Variants in ETV5 observed in about 807,000 individuals in gnomAD.
The protein encoded by ETV5 is ETS translocation variant 5.
Under a neutral mutation model 70.0 loss-of-function variants are expected in ETV5, and 10 were observed. The observed-to-expected ratio is 0.14, with a 90% CI of 0.09 to 0.24. ETV5 has a LOEUF of 0.24. Among genes scored for constraint, ETV5 ranks in the 10% least tolerant of loss-of-function variants. ETV5 has a pLI of 1.00. For synonymous variants in ETV5, 216 were observed against 242.2 expected (o/e 0.89, Z 1.01); for missense variants, 453 against 651.2 (o/e 0.70, Z 3.31).
At chr3:186,064,530 A>G in intron 8 of ETV5, 54 bp from the exon 9 acceptor site, 1 of 1,557,930 alleles carries the variant, frequency 6.4e-7, no homozygotes, top group South Asian at 1.1e-5. Context: ...TGCAGCAGAA[A>G]CAGCACATCG....
intron 5 of ETV5, 45 bp from the exon 6 acceptor site, chr3:186,081,220 T>G (rs780090977): frequency 6.4e-7 from 1 of 1,562,966 alleles, no homozygotes; most frequent in Non-Finnish European, 8.7e-7. Flanking sequence ...AGAGAACAGC[T>G]GATTAACAGG....
intron 5 of ETV5, among the ~76,000 whole-genome samples, chr3:186,087,740 G>A (rs1033202437): frequency 2.0e-5 from 3 of 152,106 alleles, no homozygotes; most frequent in African/African-American, 4.8e-5. Context: ...CCCCATGCCC[G>A]TGCTAATGGT....
At position 186,051,977 on chromosome 3, in the gene ETV5, CTTTT is replaced by C; in HGVS notation, c.1311+49_1311+52del. The C allele has an allele frequency of 1.9e-6, 3 of 1,578,594 alleles. No homozygotes were observed. In the Admixed American group the frequency reaches 5.0e-5, roughly 26 times the overall value. On this transcript the variant is annotated intron_variant, in intron 12 of 12. Coordinates refer to ENST00000306376, the MANE Select transcript of ETV5 (RefSeq NM_004454.3). ...CCAGTCTCACTACAGAAGCCCTGGACTTTTTCCTTAAAAGAGACCAGAGTGGGCT... is the reference window on the plus strand; with the variant it reads ...CCAGTCTCACTACAGAAGCCCTGGACTCCTTAAAAGAGACCAGAGTGGGCT...
At chr3:186,062,437 A>G (rs896339655) in intron 9 of ETV5, among the ~76,000 whole-genome samples, 31 of 152,202 alleles carry the variant, frequency 2.0e-4, no homozygotes, top group Non-Finnish European at 4.4e-5. Context: ...CCTGGCCAAC[A>G]TGGTGAAACC....
At chr3:186,053,778 G>C (rs1025527839) in intron 11 of ETV5, among the ~76,000 whole-genome samples, 6 of 152,212 alleles carry the variant, frequency 3.9e-5, no homozygotes, top group African/African-American at 1.4e-4. Flanking sequence ...ATCCTGGTTA[G>C]AGAAGATAAA....
At chr3:186,066,388 A>T (rs1306295839) in intron 7 of ETV5, among the ~76,000 whole-genome samples, 1 of 152,078 alleles carries the variant, frequency 6.6e-6, no homozygotes, top group South Asian at 2.1e-4. Context: ...GAGACCAATT[A>T]TCTGCAAATA....
At chr3:186,106,838 G>T in intron 1 of ETV5, 3 of 559,952 alleles carry the variant, frequency 5.4e-6, no homozygotes, top group Non-Finnish European at 4.5e-6. Flanking sequence ...AACGTGAGTG[G>T]AATAAAGTAA....
intron 7 of ETV5, among the ~76,000 whole-genome samples, chr3:186,066,419 G>C (rs1366198546): frequency 6.6e-6 from 1 of 152,068 alleles, no homozygotes; most frequent in Non-Finnish European, 1.5e-5. Context: ...ATACATAAAT[G>C]TTTGTTCACT....
At chr3:186,090,543 C>T (rs903334839) in intron 5 of ETV5, among the ~76,000 whole-genome samples, 4 of 152,140 alleles carry the variant, frequency 2.6e-5, no homozygotes, top group African/African-American at 4.8e-5. Context: ...CCCAAGTCAA[C>T]CACAAACGAT....
chr3:186,088,689 G>A (rs999589466), intron 5 of ETV5, among the ~76,000 whole-genome samples: 1 of 152,166 alleles, frequency 6.6e-6, no homozygotes, highest in African/African-American at 2.4e-5. Context: ...AAGGACACTG[G>A]CAAAACAGAA....
Position 186,086,572 on chromosome 3 carries a change from C to T in ETV5, c.233-5397G>A, listed in dbSNP as rs118179545. 4.3e-4 allele frequency among the ~76,000 whole-genome samples: 65 copies of T among 152,204 alleles called. No homozygotes were observed. The East Asian group carries it at 0.012, about 28-fold the overall frequency. Reference sequence around the variant, plus strand: ...AACATGTAAAAAAACTTTTAGTATACAGTAACTAAAACAATGTGAAATTAA... The same window carrying T: ...AACATGTAAAAAAACTTTTAGTATATAGTAACTAAAACAATGTGAAATTAA... On this transcript the variant is annotated intron_variant, in intron 5 of 12. Coordinates refer to ENST00000306376, the MANE Select transcript of ETV5 (RefSeq NM_004454.3).
At position 186,105,394 on chromosome 3, in the gene ETV5, T is replaced by A; in HGVS notation, c.182-39A>T. Reference sequence around the variant, plus strand: ...TTTTATTTTAGACCTTTAAGTTTTATTAAAAAGCACAGTAAAATGTTTTAT... The same window carrying A: ...TTTTATTTTAGACCTTTAAGTTTTAATAAAAAGCACAGTAAAATGTTTTAT... On this transcript the variant is annotated intron_variant, in intron 4 of 12. Coordinates refer to ENST00000306376, the MANE Select transcript of ETV5 (RefSeq NM_004454.3). The surrounding 1 kb of genome is among the most constrained non-coding windows in gnomAD (Gnocchi z 4.5). 6.2e-7 allele frequency: 1 copy of A among 1,611,676 alleles called. No individual in the cohort carries two copies. The highest frequency in any genetic ancestry group is 8.5e-7 in the Non-Finnish European group (1 of 1,179,010).
At chr3:186,103,199 C>T (rs899394919) in intron 5 of ETV5, among the ~76,000 whole-genome samples, 6 of 152,138 alleles carry the variant, frequency 3.9e-5, no homozygotes, top group African/African-American at 1.4e-4. Flanking sequence ...TAAGCAGAAA[C>T]ATCTCCCAAA....
intron 9 of ETV5, among the ~76,000 whole-genome samples, chr3:186,058,504 G>A (rs1300309200): frequency 6.6e-6 from 1 of 152,284 alleles, no homozygotes; most frequent in East Asian, 1.9e-4. Flanking sequence ...GTCTGTGTGT[G>A]TTGGATAATG....
intron 5 of ETV5, among the ~76,000 whole-genome samples, chr3:186,099,329 G>A (rs879788395): frequency 6.6e-6 from 1 of 152,230 alleles, no homozygotes; most frequent in Non-Finnish European, 1.5e-5. Context: ...AGCTTGATGA[G>A]TTCACAAAAT....
chr3:186,079,183 A>T, intron 7 of ETV5: 1 of 758,378 alleles, frequency 1.3e-6, no homozygotes, highest in Non-Finnish European at 1.7e-6. Context: ...TAAAGAGGTC[A>T]GGTTTGGAGT....
chr3:186,108,444 A>C, intron 1 of ETV5: 1 of 1,128,380 alleles, frequency 8.9e-7, no homozygotes, highest in Non-Finnish European at 1.2e-6. Context: ...CCGCCCCCGC[A>C]GGCTGCACTT....
At chr3:186,103,408 T>A (rs1011459550) in intron 5 of ETV5, among the ~76,000 whole-genome samples, 2 of 152,148 alleles carry the variant, frequency 1.3e-5, no homozygotes, top group Non-Finnish European at 2.9e-5. Context: ...TGCAATCAAT[T>A]TGAATGCAGC....
chr3:186,081,049 T>C lies in ETV5; in HGVS notation c.359A>G (p.Tyr120Cys). 6.2e-7 allele frequency: 1 copy of C among 1,608,586 alleles called. No homozygotes were observed. Among genetic ancestry groups the C allele is most frequent in the Non-Finnish European group, 8.5e-7 (1 of 1,177,050 alleles). Residue 120 changes from tyrosine to cysteine, a missense_variant, in exon 6 of 13, where the codon TAT (tyrosine) becomes TGT (cysteine). Transcript: ENST00000306376. ...ANYGEKCLYN[Y>C]CAYDRKPPSG... is the part of the protein sequence containing the mutation. ...TCGACTCCTCTTGCCCACTCACCAA[T>C]AGTTGTAGAGGCACTTTTCTCCATA... is the stretch of plus-strand genomic sequence containing the variant.
Sources: allele counts gnomAD v4.1 joint callset (sites outside exome capture counted in the v4.1 genomes callset), GRCh38; gene constraint gnomAD v4.1.1; non-coding constraint Gnocchi (gnomAD v3.1); transcripts MANE v1.5; gene names NCBI Gene and HGNC (gene_info 2026-07-23, HGNC 2026-07-21).